The following MYH10 variants were observed in gnomAD, a reference collection of about 807,000 sequenced individuals.
The protein encoded by MYH10 is myosin-10.
In MYH10, 55 loss-of-function variants were observed where a neutral mutation model predicts 257.8. The ratio of observed to expected loss-of-function variants is 0.21; its 90% CI spans 0.17 to 0.27. The LOEUF is 0.27. MYH10 is among the 10% of genes least tolerant of loss of function. The probability of loss-of-function intolerance (pLI) is 1.00; values close to 1 mark genes in which losing one functional copy is unlikely to be tolerated. For missense variants in MYH10, 1,631 were observed against 2,500.6 expected (o/e 0.65, Z 7.42); for synonymous variants, 854 against 921.7 (o/e 0.93, Z 1.33).
intron 4 of MYH10, among the ~76,000 whole-genome samples, chr17:8,583,407 AC>A (rs2083781174): frequency 6.6e-6 from 1 of 151,922 alleles, no homozygotes. Flanking sequence ...ACTAAATAAT[AC>A]CTTTTTTTTT....
rs76219873 is a variant in MYH10 at position 8,620,959 on chromosome 17, A to C, written c.345+1943T>G. Reference sequence around the variant, plus strand: ...AGTTAAGTTGGAAAAAAATCCAACAAACTCAGTAAGAGATAACTGTAAAAT... The same window carrying C: ...AGTTAAGTTGGAAAAAAATCCAACACACTCAGTAAGAGATAACTGTAAAAT... On this transcript the variant is annotated intron_variant, in intron 2 of 42. Transcript: ENST00000360416. 8.9e-3 allele frequency among the ~76,000 whole-genome samples: 1,349 copies of C among 152,368 alleles called. 7 individuals carry two copies. Among genetic ancestry groups the C allele is most frequent in the Non-Finnish European group, 0.015 (1,018 of 68,026 alleles).
intron 30 of MYH10, among the ~76,000 whole-genome samples, chr17:8,497,800 T>C (rs888700508): frequency 2.1e-5 from 3 of 146,302 alleles, no homozygotes; most frequent in Non-Finnish European, 4.5e-5. Context: ...GCACTGACCA[T>C]GTACAGTTCA....
intron 2 of MYH10, among the ~76,000 whole-genome samples, chr17:8,608,491 G>A (rs552998669): frequency 6.6e-6 from 1 of 152,210 alleles, no homozygotes. Context: ...CAACTGATTT[G>A]TGGGAAAAGA....
chr17:8,595,425 CTTT>C (rs10664342), intron 3 of MYH10, among the ~76,000 whole-genome samples: 1 of 84,210 alleles, frequency 1.2e-5, no homozygotes, highest in East Asian at 3.6e-4. Context: ...AAGAACAGTT[CTTT>C]TTTTTTTTTT....
At chr17:8,573,581 T>C (rs1418164638) in intron 6 of MYH10, among the ~76,000 whole-genome samples, 2 of 152,192 alleles carry the variant, frequency 1.3e-5, no homozygotes, top group Non-Finnish European at 2.9e-5. Flanking sequence ...TGTTGAGGCT[T>C]TGTGAACTCT....
chr17:8,542,689 G>A (rs777489015), intron 13 of MYH10, among the ~76,000 whole-genome samples: 1 of 152,204 alleles, frequency 6.6e-6, no homozygotes, highest in Non-Finnish European at 1.5e-5. Context: ...AAAGGAAGGC[G>A]AACAAGGTGG....
chr17:8,575,682 C>T (rs754589658), intron 6 of MYH10, among the ~76,000 whole-genome samples: 98 of 152,166 alleles, frequency 6.4e-4, no homozygotes, highest in Non-Finnish European at 9.7e-4. Flanking sequence ...TTCCATAACT[C>T]GATATTATTG....
chr17:8,628,763 C>T (rs2085777578), intron 1 of MYH10, among the ~76,000 whole-genome samples: 1 of 152,188 alleles, frequency 6.6e-6, no homozygotes, highest in Non-Finnish European at 1.5e-5. Context: ...AACTTTAATT[C>T]CTCACATGTG....
In MYH10 at chr17:8,545,391, T is replaced by C. The variant is rs768338209; in HGVS notation, c.1431+57A>G. Reference sequence around the variant, plus strand: ...ACTGGGCACACAGTAAGCCTTCATATTTGTTAAAAGAACAAACAAAAAGAA... The same window carrying C: ...ACTGGGCACACAGTAAGCCTTCATACTTGTTAAAAGAACAAACAAAAAGAA... On this transcript the variant is annotated intron_variant, in intron 13 of 42. Transcript: ENST00000360416. The surrounding 1 kb of genome is among the most constrained non-coding windows in gnomAD (Gnocchi z 4.7). 51 of 1,590,712 alleles carry C rather than the reference T, an allele frequency of 3.2e-5. No homozygotes were observed. Among genetic ancestry groups the C allele is most frequent in the Non-Finnish European group, 3.5e-5 (41 of 1,163,892 alleles).
intron 9 of MYH10, 108 bp from the exon 10 acceptor site, chr17:8,548,895 G>A (rs1016682109): frequency 2.4e-6 from 2 of 827,206 alleles, no homozygotes; most frequent in South Asian, 2.1e-5. Flanking sequence ...TGGTCACCAT[G>A]CAACCCATTG....
chr17:8,553,881 A>G, intron 8 of MYH10, 74 bp downstream of exon 8: 1 of 1,228,836 alleles, frequency 8.1e-7, no homozygotes, highest in South Asian at 1.3e-5. Flanking sequence ...GTGATATCAC[A>G]GACGGTTGCC....
At chr17:8,481,440 G>T in intron 37 of MYH10, 30 bp from the exon 38 acceptor site, 1 of 1,601,486 alleles carries the variant, frequency 6.2e-7, no homozygotes, top group Non-Finnish European at 8.5e-7. Context: ...TTAAGCTCTG[G>T]CTGTGAATAG....
chr17:8,610,722 AATG>A (rs2085007535), intron 2 of MYH10, among the ~76,000 whole-genome samples: 2 of 152,244 alleles, frequency 1.3e-5, no homozygotes, highest in South Asian at 4.2e-4. Context: ...TCTCCCATGG[AATG>A]ATGCCGCAAG....
At chr17:8,514,945 C>T (rs2068611135) in intron 21 of MYH10, among the ~76,000 whole-genome samples, 1 of 152,164 alleles carries the variant, frequency 6.6e-6, no homozygotes, top group Non-Finnish European at 1.5e-5. Flanking sequence ...TTCCAGAGCA[C>T]CAGAACGGCC....
At chr17:8,517,977 C>A (rs1355587689) in intron 21 of MYH10, among the ~76,000 whole-genome samples, 2 of 151,242 alleles carry the variant, frequency 1.3e-5, no homozygotes. Context: ...CTCAGAGAAG[C>A]ATTCTCTGAG....
intron 17 of MYH10, among the ~76,000 whole-genome samples, chr17:8,525,853 C>T (rs1194365121): frequency 6.6e-6 from 1 of 152,154 alleles, no homozygotes; most frequent in Non-Finnish European, 1.5e-5. Flanking sequence ...AGTGCAGTGG[C>T]ACAATCTCGG....
At chr17:8,546,426 A>T in intron 12 of MYH10, 118 bp downstream of exon 12, 1 of 775,838 alleles carries the variant, frequency 1.3e-6, no homozygotes, top group Admixed American at 2.9e-5. Flanking sequence ...TTAGTACCTA[A>T]AAACACCCAT....
intron 14 of MYH10, among the ~76,000 whole-genome samples, chr17:8,539,288 G>T (rs527574670): frequency 6.6e-6 from 1 of 152,244 alleles, no homozygotes; most frequent in South Asian, 2.1e-4. Context: ...CACTTTCAAC[G>T]TGCTGTTCAC....
chr17:8,503,075 G>A (rs1310969290), intron 28 of MYH10, among the ~76,000 whole-genome samples: 1 of 152,202 alleles, frequency 6.6e-6, no homozygotes, highest in Non-Finnish European at 1.5e-5. Flanking sequence ...CTGAGGTCGG[G>A]AGTTTGCGAC....
Sources: gnomAD v4.1 joint callset for allele counts (sites outside exome capture counted in the v4.1 genomes callset) on GRCh38, gnomAD v4.1.1 for gene constraint, Gnocchi (gnomAD v3.1) non-coding constraint, MANE v1.5 for transcripts, NCBI Gene and HGNC (gene_info 2026-07-23, HGNC 2026-07-21) for gene names.